The following WDR41 variants were observed in gnomAD, a reference collection of about 807,000 sequenced individuals.
WDR41 encodes the protein WD repeat domain 41.
Under a neutral mutation model 69.3 loss-of-function variants are expected in WDR41, and 63 were observed. The ratio of observed to expected loss-of-function variants is 0.91; its 90% CI spans 0.74 to 1.12. The LOEUF is 1.12. Among genes scored for constraint, WDR41 ranks in the 50% most tolerant of loss-of-function variants. The pLI is 0.00. For missense variants in WDR41, 543 were observed against 534.5 expected, an observed-to-expected ratio of 1.02 and a Z score of -0.16; for synonymous variants, 185 against 192.1, an observed-to-expected ratio of 0.96 and a Z score of 0.31.
At chr5:77,578,165 A>G (rs1458170862) in intron 1 of WDR41, among the ~76,000 whole-genome samples, 2 of 152,226 alleles carry the variant, frequency 1.3e-5, no homozygotes, top group African/African-American at 2.4e-5. Context: ...CAAAAAAATC[A>G]TAAGTCGAAC....
chr5:77,433,431 T>C (rs191969511), intron 12 of WDR41, 144 bp from the exon 13 acceptor site: 5 of 573,756 alleles, frequency 8.7e-6, no homozygotes, highest in Non-Finnish European at 1.4e-5. Flanking sequence ...TTTTCAGTAT[T>C]GGTAAGTCAC....
intron 1 of WDR41, among the ~76,000 whole-genome samples, chr5:77,596,572 A>T (rs1490747427): frequency 1.3e-5 from 2 of 151,952 alleles, no homozygotes; most frequent in African/African-American, 4.8e-5. Context: ...TATGCTGCCC[A>T]GGCTGGTCTT....
chr5:77,473,023 C>G (rs1479718653), intron 2 of WDR41, among the ~76,000 whole-genome samples: 2 of 152,132 alleles, frequency 1.3e-5, no homozygotes, highest in Non-Finnish European at 2.9e-5. Context: ...TCAAATTATA[C>G]TACAAGGCTA....
At chr5:77,532,149 C>G (rs1327619921) in intron 1 of WDR41, among the ~76,000 whole-genome samples, 7 of 151,816 alleles carry the variant, frequency 4.6e-5, no homozygotes, top group Non-Finnish European at 5.9e-5. Context: ...AAAAATGGAA[C>G]AAGGGAGAGG....
At chr5:77,506,230 T>C (rs1802104330) in intron 1 of WDR41, among the ~76,000 whole-genome samples, 1 of 152,108 alleles carries the variant, frequency 6.6e-6, no homozygotes, top group African/African-American at 2.4e-5. Context: ...GGGCAAAGGA[T>C]ATGAACAGAC....
At chr5:77,618,610 T>G (rs543867204) in intron 1 of WDR41, among the ~76,000 whole-genome samples, 14 of 152,280 alleles carry the variant, frequency 9.2e-5, no homozygotes, top group East Asian at 5.8e-4. Context: ...TGATCTCAAG[T>G]GATCCACCTG....
intron 1 of WDR41, among the ~76,000 whole-genome samples, chr5:77,592,650 A>G (rs1437726684): frequency 6.6e-6 from 1 of 152,182 alleles, no homozygotes; most frequent in East Asian, 1.9e-4. Context: ...TCAATCTTTC[A>G]GTTTGGAAAA....
intron 2 of WDR41, among the ~76,000 whole-genome samples, chr5:77,479,491 A>T (rs1041738823): frequency 2.0e-5 from 3 of 152,070 alleles, no homozygotes; most frequent in African/African-American, 2.4e-5. Context: ...ATCAATGGAA[A>T]AGAACAGAGC....
intron 1 of WDR41, among the ~76,000 whole-genome samples, chr5:77,581,463 A>G (rs1387965298): frequency 1.3e-5 from 2 of 152,178 alleles, no homozygotes; most frequent in African/African-American, 4.8e-5. Flanking sequence ...CAGAAAATCA[A>G]CAAGAAGACA....
chr5:77,592,495 C>A (rs1744151974), intron 1 of WDR41, among the ~76,000 whole-genome samples: 1 of 152,148 alleles, frequency 6.6e-6, no homozygotes, highest in African/African-American at 2.4e-5. Flanking sequence ...GATCTCCAGA[C>A]CACCCTCAGG....
chr5:77,512,354 G>A (rs1802218409), intron 1 of WDR41, among the ~76,000 whole-genome samples: 1 of 116,250 alleles, frequency 8.6e-6, no homozygotes, highest in Non-Finnish European at 1.8e-5. Flanking sequence ...GAGAGAGAGT[G>A]AGTGTGTGTG....
chr5:77,552,561 G>T (rs1010322691), intron 1 of WDR41, among the ~76,000 whole-genome samples: 8 of 152,120 alleles, frequency 5.3e-5, no homozygotes, highest in African/African-American at 1.9e-4. Context: ...ATATGAAAAG[G>T]CACAGGCCCT....
intron 1 of WDR41, chr5:77,491,954 G>A (rs1801812272): frequency 3.5e-6 from 2 of 564,916 alleles, no homozygotes; most frequent in Non-Finnish European, 6.1e-6. Context: ...GGGGTCTGCA[G>A]CTCCAGGGTG....
rs752359591 is a variant in WDR41, at chr5:77,436,277, T to G, written c.1211A>C (p.His404Pro). 2 of 1,613,860 alleles carry G rather than the reference T, an allele frequency of 1.2e-6. No individual in the cohort carries two copies. Among genetic ancestry groups the G allele is most frequent in the East Asian group, 2.2e-5 (1 of 44,866 alleles). ...CAGCAATACCTCCACAGATGATGAG[T>G]GTCCAATCAAATCTCCAATAAGCTC... ...SLELIGDLIG[H>P]SSSVEMFLYF... The change falls in exon 12 of 13, where the codon CAC becomes CCC. Residue 404 changes from histidine to proline, a missense_variant. Physicochemically the swap from His to Pro is moderately conservative, Grantham distance 77. Transcript: ENST00000296679.
chr5:77,532,713 A>G (rs1802546352), intron 1 of WDR41, among the ~76,000 whole-genome samples: 1 of 152,174 alleles, frequency 6.6e-6, no homozygotes, highest in Non-Finnish European at 1.5e-5. Flanking sequence ...TCAAAAGAAC[A>G]TATATGTAAC....
At chr5:77,575,244 AAAG>A (rs1314156399) in intron 1 of WDR41, among the ~76,000 whole-genome samples, 2 of 152,236 alleles carry the variant, frequency 1.3e-5, no homozygotes, top group Non-Finnish European at 2.9e-5. Flanking sequence ...AAAAAGAGGA[AAAG>A]AATAAGCTAC....
chr5:77,570,254 T>G (rs949711352), intron 1 of WDR41, among the ~76,000 whole-genome samples: 2 of 152,006 alleles, frequency 1.3e-5, no homozygotes, highest in Non-Finnish European at 2.9e-5. Context: ...TGAATTTTTC[T>G]TTAGGGGTGA....
At chr5:77,472,094 C>T (rs56089696) in intron 2 of WDR41, among the ~76,000 whole-genome samples, 8,147 of 152,268 alleles carry the variant, frequency 0.054, 356 homozygotes, top group Admixed American at 0.13. Context: ...TGGGCTTCAT[C>T]ACTGGGATGC....
chr5:77,546,108 T>A (rs989516728), intron 1 of WDR41: 1 of 515,566 alleles, frequency 1.9e-6, no homozygotes, highest in Middle Eastern at 5.5e-4. Context: ...AAGGCCACCT[T>A]TGATGCCATC....
Sources: gnomAD v4.1 joint callset for allele counts (sites outside exome capture counted in the v4.1 genomes callset) on GRCh38, gnomAD v4.1.1 for gene constraint, MANE v1.5 for transcripts, NCBI Gene and HGNC (gene_info 2026-07-23, HGNC 2026-07-21) for gene names.